ARID4B: variants seen among roughly 807,000 people sequenced by gnomAD.
The protein encoded by ARID4B is AT-rich interaction domain 4B, also known as AT-rich interactive domain-containing protein 4B.
Under a neutral mutation model 147.5 loss-of-function variants are expected in ARID4B, and 26 were observed. The ratio of observed to expected loss-of-function variants is 0.18; its 90% CI spans 0.13 to 0.24. The LOEUF is 0.24. Ranked by LOEUF, ARID4B falls within the 10% of genes least tolerant of loss-of-function variation. The probability of loss-of-function intolerance (pLI) is 1.00; values close to 1 mark genes in which losing one functional copy is unlikely to be tolerated. For missense variants in ARID4B, 1,179 were observed against 1,511.5 expected, an observed-to-expected ratio of 0.78 and a Z score of 3.65; for synonymous variants, 512 against 507.9, an observed-to-expected ratio of 1.01 and a Z score of -0.11.
At chr1:235,252,449 A>C (rs1669703649) in intron 6 of ARID4B, among the ~76,000 whole-genome samples, 1 of 152,212 alleles carries the variant, frequency 6.6e-6, no homozygotes, top group Non-Finnish European at 1.5e-5. Context: ...GTTATTTACA[A>C]ATTTTAAGTC....
intron 2 of ARID4B, 26 bp downstream of exon 2, chr1:235,326,888 G>T: frequency 6.2e-7 from 1 of 1,613,726 alleles, no homozygotes; most frequent in Non-Finnish European, 8.5e-7. Context: ...TAACCCCAGA[G>T]ATTCGTTTTC....
At chr1:235,317,213 G>A (rs1258647097) in intron 2 of ARID4B, among the ~76,000 whole-genome samples, 2 of 152,160 alleles carry the variant, frequency 1.3e-5, no homozygotes, top group African/African-American at 4.8e-5. Flanking sequence ...AATGGTAAAA[G>A]TAGAAGGATA....
At chr1:235,257,906 G>A (rs894359266) in intron 3 of ARID4B, among the ~76,000 whole-genome samples, 3 of 152,110 alleles carry the variant, frequency 2.0e-5, no homozygotes, top group Non-Finnish European at 4.4e-5. Context: ...TTTTGTGAAG[G>A]CCTACCTTAA....
chr1:235,323,920 TGAGA>T (rs201664541), intron 2 of ARID4B, among the ~76,000 whole-genome samples: 2 of 151,242 alleles, frequency 1.3e-5, no homozygotes, highest in Non-Finnish European at 1.5e-5. Flanking sequence ...TTTTTTTTTT[TGAGA>T]GAGAGAGTTT....
intron 8 of ARID4B, among the ~76,000 whole-genome samples, chr1:235,235,257 G>C (rs979622489): frequency 3.3e-5 from 5 of 152,090 alleles, no homozygotes; most frequent in African/African-American, 1.2e-4. Flanking sequence ...GAGGAGTTTT[G>C]GGACTACTAA....
At chr1:235,209,551 T>C (rs1296077449) in intron 17 of ARID4B, among the ~76,000 whole-genome samples, 25 of 140,562 alleles carry the variant, frequency 1.8e-4, no homozygotes, top group African/African-American at 7.4e-4. Flanking sequence ...AAAATTGATT[T>C]TTTTGTTTTT....
chr1:235,302,814 T>G (rs1296412817), intron 2 of ARID4B, among the ~76,000 whole-genome samples: 1 of 152,216 alleles, frequency 6.6e-6, no homozygotes, highest in African/African-American at 2.4e-5. Context: ...TTGTCCTCAT[T>G]TCAGACAAGA....
At chr1:235,310,558 G>A (rs910440209) in intron 2 of ARID4B, among the ~76,000 whole-genome samples, 4 of 152,262 alleles carry the variant, frequency 2.6e-5, no homozygotes, top group South Asian at 4.1e-4. Context: ...CTTTAAAAAC[G>A]TAATGTGCCA....
intron 23 of ARID4B, among the ~76,000 whole-genome samples, chr1:235,171,328 G>C (rs1663344494): frequency 1.3e-5 from 2 of 152,008 alleles, no homozygotes; most frequent in South Asian, 4.2e-4. Flanking sequence ...AGCCACTCGG[G>C]AGACTGAGGC....
chr1:235,302,273 AG>A (rs747777831), intron 2 of ARID4B, among the ~76,000 whole-genome samples: 11 of 86,520 alleles, frequency 1.3e-4, no homozygotes, highest in East Asian at 3.5e-4. Context: ...AAAGGGAGGG[AG>A]GGGAGGAAGG....
intron 2 of ARID4B, among the ~76,000 whole-genome samples, chr1:235,325,847 C>A (rs1675195464): frequency 6.6e-6 from 1 of 152,174 alleles, no homozygotes. Context: ...ATTTAAGTAG[C>A]CACAGCTTTT....
intron 2 of ARID4B, among the ~76,000 whole-genome samples, chr1:235,308,504 A>G (rs897135566): frequency 2.8e-5 from 3 of 107,402 alleles, no homozygotes; most frequent in Admixed American, 1.3e-4. Flanking sequence ...CTCTCTTTCC[A>G]CGGTCTCCCT....
At chr1:235,212,919 T>A (rs944189678) in intron 17 of ARID4B, among the ~76,000 whole-genome samples, 1 of 152,196 alleles carries the variant, frequency 6.6e-6, no homozygotes, top group Non-Finnish European at 1.5e-5. Context: ...AGGTACACCA[T>A]GAAACCACAA....
At chr1:235,196,712 A>G (rs1665515216) in intron 17 of ARID4B, among the ~76,000 whole-genome samples, 1 of 151,796 alleles carries the variant, frequency 6.6e-6, no homozygotes, top group Non-Finnish European at 1.5e-5. Context: ...AATTAGCCAG[A>G]CGTGGTGGTG....
chr1:235,216,343 G>GTA (rs947274183), intron 16 of ARID4B, among the ~76,000 whole-genome samples: 64 of 147,678 alleles, frequency 4.3e-4, no homozygotes, highest in Admixed American at 1.1e-3. Flanking sequence ...ATATATACGT[G>GTA]TATATATATA....
intron 19 of ARID4B, among the ~76,000 whole-genome samples, chr1:235,183,342 G>A (rs1443717590): frequency 6.6e-6 from 1 of 151,766 alleles, no homozygotes; most frequent in Non-Finnish European, 1.5e-5. Context: ...CTGAGCAGCT[G>A]GGACTACAGG....
Position 235,240,589 on chromosome 1 carries a change from T to C in ARID4B, c.447-138A>G, listed in dbSNP as rs543724279. On this transcript the variant is annotated intron_variant, in intron 7 of 23. Transcript: ENST00000264183. ...TGGCTAATTTAAATCTTAAATCATT[T>C]TCTAAATTTCTAAAAAATAACAGCA... The C allele has an allele frequency of 1.5e-4, 115 of 761,320 alleles. No homozygotes were observed. The African/African-American group carries it at 1.9e-3, about 12-fold the overall frequency. 47.2% of individuals were successfully genotyped at this position (761,320 alleles called of 1,614,324 possible). A position where few individuals can be genotyped will look rare whatever the true frequency, so the allele number is the denominator to read the frequency against.
intron 7 of ARID4B, among the ~76,000 whole-genome samples, chr1:235,240,745 C>T (rs910051475): frequency 6.6e-6 from 1 of 152,096 alleles, no homozygotes; most frequent in Non-Finnish European, 1.5e-5. Context: ...AAGGTGAAGG[C>T]CCCATATTAA....
At chr1:235,183,745 C>T (rs1429428496) in intron 19 of ARID4B, among the ~76,000 whole-genome samples, 3 of 148,020 alleles carry the variant, frequency 2.0e-5, no homozygotes, top group South Asian at 2.2e-4. Flanking sequence ...TATTTTCTTT[C>T]CCTCCCTGCC....
Sources: gnomAD v4.1 joint callset for allele counts (sites outside exome capture counted in the v4.1 genomes callset) on GRCh38, gnomAD v4.1.1 for gene constraint, MANE v1.5 for transcripts, NCBI Gene and HGNC (gene_info 2026-07-23, HGNC 2026-07-21) for gene names.